Variants in MED12L observed in about 807,000 individuals in gnomAD.
MED12L encodes mediator of RNA polymerase II transcription subunit 12-like protein.
A neutral mutation model predicts 281.3 loss-of-function variants in MED12L; 60 were observed. The ratio of observed to expected loss-of-function variants is 0.21; its 90% CI spans 0.17 to 0.26. The LOEUF is 0.26. MED12L is among the 10% of genes least tolerant of loss of function. The pLI is 1.00. For missense variants in MED12L, 2,146 were observed against 2,680.9 expected, an observed-to-expected ratio of 0.80 and a Z score of 4.41; for synonymous variants, 974 against 987.2, an observed-to-expected ratio of 0.99 and a Z score of 0.25.
At chr3:151,268,253 T>TTA (rs10645730) in intron 16 of MED12L, among the ~76,000 whole-genome samples, 50,875 of 151,102 alleles carry the variant, frequency 0.34, 8,715 homozygotes, top group East Asian at 0.5. Context: ...CATTTATTAC[T>TTA]TATATATATA....
At chr3:151,248,259 T>G (rs1736138456) in intron 16 of MED12L, among the ~76,000 whole-genome samples, 1 of 152,110 alleles carries the variant, frequency 6.6e-6, no homozygotes, top group African/African-American at 2.4e-5. Context: ...TGAGACCTAT[T>G]TAATTCCTAT....
chr3:151,202,640 A>G (rs935272605), intron 16 of MED12L, among the ~76,000 whole-genome samples: 2 of 152,246 alleles, frequency 1.3e-5, no homozygotes, highest in African/African-American at 4.8e-5. Context: ...ACTGCACTCC[A>G]GCCTGGGTGA....
In MED12L at chr3:151,165,511, C is replaced by A. The variant is rs1217500817; in HGVS notation, c.1349C>A (p.Ser450Tyr). Residue 450 changes from serine (S) to tyrosine (Y), a missense_variant, in exon 10 of 45, where the codon TCC becomes TAC. Physicochemically the swap from Ser to Tyr is moderately radical, Grantham distance 144. Coordinates refer to ENST00000687756, the MANE Select transcript of MED12L (RefSeq NM_001393769.1). ...VRWSFDKCQE[S>Y]TAGVTISRVL... Reference sequence around the variant, plus strand: ...TGGTCATTTGACAAGTGCCAAGAATCCACAGCAGGTACAGAATGCCACAGA... The same window carrying A: ...TGGTCATTTGACAAGTGCCAAGAATACACAGCAGGTACAGAATGCCACAGA... 4 of 1,611,924 alleles carry A rather than the reference C, an allele frequency of 2.5e-6. No homozygotes were observed. The highest frequency in any genetic ancestry group is 1.1e-5 in the South Asian group (1 of 90,944).
chr3:151,397,448 A>T (rs180762451), intron 39 of MED12L, among the ~76,000 whole-genome samples: 3 of 152,216 alleles, frequency 2.0e-5, no homozygotes, highest in Non-Finnish European at 4.4e-5. Context: ...AGCATCCGTC[A>T]TGGTACCTGT....
intron 23 of MED12L, among the ~76,000 whole-genome samples, chr3:151,366,606 T>G (rs1394602940): frequency 6.6e-6 from 1 of 152,220 alleles, no homozygotes; most frequent in Non-Finnish European, 1.5e-5. Context: ...CTTCTCCTGT[T>G]GCCACTTATT....
rs543337076 is a variant in MED12L, at chr3:151,171,919, A to G, written c.1494+5937A>G. Among the ~76,000 whole-genome samples the G allele has an allele frequency of 7.9e-5, 12 of 152,332 alleles. No homozygotes were observed. In the East Asian group the frequency reaches 2.3e-3, roughly 29 times the overall value. On this transcript the variant is annotated intron_variant, in intron 11 of 44. Transcript: ENST00000687756. ...CACCTTATGCACATTATCAGCCCCA[A>G]GTACCATGCATGGGGCCCAGGAGAT...
intron 16 of MED12L, chr3:151,300,057 G>T: frequency 1.3e-6 from 2 of 1,580,990 alleles, no homozygotes; most frequent in African/African-American, 1.3e-5. Flanking sequence ...TATCTCTTAC[G>T]ACGGCTTACT....
chr3:151,182,714 G>A (rs900453403), intron 11 of MED12L, among the ~76,000 whole-genome samples: 1 of 152,188 alleles, frequency 6.6e-6, no homozygotes, highest in African/African-American at 2.4e-5. Context: ...GAATGGTGAT[G>A]CCATTTTCTA....
intron 16 of MED12L, among the ~76,000 whole-genome samples, chr3:151,285,281 A>G (rs1002234346): frequency 2.0e-5 from 3 of 152,056 alleles, no homozygotes; most frequent in African/African-American, 2.4e-5. Flanking sequence ...TCAGGAGATC[A>G]AGACCATCCT....
chr3:151,251,900 CA>C (rs1414101470), intron 16 of MED12L, among the ~76,000 whole-genome samples: 1 of 152,152 alleles, frequency 6.6e-6, no homozygotes, highest in Non-Finnish European at 1.5e-5. Context: ...TACATGGAAT[CA>C]CCTTAAAAAT....
intron 31 of MED12L, 46 bp downstream of exon 31, chr3:151,378,219 T>A: frequency 5.3e-6 from 8 of 1,514,690 alleles, no homozygotes; most frequent in Non-Finnish European, 7.1e-6. Context: ...AAAGAATAAT[T>A]GAGAAAGTCT....
chr3:151,230,156 A>G (rs1217673878), intron 16 of MED12L, among the ~76,000 whole-genome samples: 1 of 151,994 alleles, frequency 6.6e-6, no homozygotes, highest in East Asian at 2.0e-4. Context: ...TTGCATTTTT[A>G]GTAGAGACGG....
At chr3:151,372,481 C>T (rs1756314190) in intron 26 of MED12L, 86 bp from the exon 27 acceptor site, 5 of 940,174 alleles carry the variant, frequency 5.3e-6, no homozygotes, top group South Asian at 2.8e-5. Context: ...TATTTTAAAT[C>T]CCTGAATGCT....
chr3:151,188,297 T>C, intron 12 of MED12L, 57 bp from the exon 13 acceptor site: 1 of 1,365,676 alleles, frequency 7.3e-7, no homozygotes, highest in South Asian at 1.3e-5. Context: ...AACAAATTCA[T>C]GATCTGTTAT....
rs546319927 is a variant in MED12L, at chr3:151,433,437, T to G, written c.*633T>G. 1.3e-5 allele frequency: 2 copies of G among 152,792 alleles called. No homozygotes were observed. The highest frequency in any genetic ancestry group is 4.1e-4 in the South Asian group (2 of 4,830). 9.5% of individuals were successfully genotyped at this position (152,792 alleles called of 1,614,324 possible). A position where few individuals can be genotyped will look rare whatever the true frequency, so the allele number is the denominator to read the frequency against. The stretch of plus-strand genomic sequence containing the variant: ...GCTGAAACAGATTGTTGCTTCGTAC[T>G]TAAACTTCTTAAACCAAGAACCTAA... On this transcript the variant is annotated 3_prime_UTR_variant, in exon 45 of 45. Coordinates refer to ENST00000687756, the MANE Select transcript of MED12L (RefSeq NM_001393769.1).
chr3:151,116,575 A>T (rs1712845713), intron 3 of MED12L, 133 bp downstream of exon 3: 1 of 611,652 alleles, frequency 1.6e-6, no homozygotes, highest in African/African-American at 1.8e-5. Context: ...TACCATGTAT[A>T]CCGTCCTGCC....
At chr3:151,160,722 C>G (rs1236534873) in intron 8 of MED12L, among the ~76,000 whole-genome samples, 5 of 152,202 alleles carry the variant, frequency 3.3e-5, no homozygotes, top group Non-Finnish European at 7.3e-5. Context: ...TCTCCACTCT[C>G]AGAGTTTACT....
Position 151,188,335 on chromosome 3 carries a change from AT to A in MED12L, c.1627-16del. 1 of 1,577,028 alleles carries A rather than the reference AT, an allele frequency of 6.3e-7. No homozygotes were observed. Among genetic ancestry groups the A allele is most frequent in the African/African-American group, 1.4e-5 (1 of 73,924 alleles). ...CTATACTTCTGTAATTAACTTTGTT[AT>A]TTATTTTTAATCTGTAGAGATGTGG... On this transcript the variant is annotated intron_variant, in intron 12 of 44. Coordinates refer to ENST00000687756, the MANE Select transcript of MED12L (RefSeq NM_001393769.1).
At chr3:151,392,467 G>GAAAAAAAAAAAAAAAAAAAAAATAAAA (rs200781609) in intron 38 of MED12L, among the ~76,000 whole-genome samples, 1 of 95,862 alleles carries the variant, frequency 1.0e-5, no homozygotes, top group Non-Finnish European at 2.0e-5. Flanking sequence ...TCCATCTCAA[G>GAAAAAAAAAAAAAAAAAAAAAATAAAA]AAAAAAAAAA....
Sources: gnomAD v4.1 joint callset for allele counts (sites outside exome capture counted in the v4.1 genomes callset) on GRCh38, gnomAD v4.1.1 for gene constraint, MANE v1.5 for transcripts, NCBI Gene and HGNC (gene_info 2026-07-23, HGNC 2026-07-21) for gene names.